TRHDE: variants seen among roughly 807,000 people sequenced by gnomAD.
TRHDE encodes the protein thyrotropin-releasing hormone-degrading ectoenzyme.
A neutral mutation model predicts 125.7 loss-of-function variants in TRHDE; 72 were observed. The ratio of observed to expected loss-of-function variants is 0.57; its 90% CI spans 0.47 to 0.70. The LOEUF is 0.70. TRHDE is among the 30% of genes least tolerant of loss of function. TRHDE has a pLI of 0.00. For synonymous variants in TRHDE, 509 were observed against 509.1 expected, an observed-to-expected ratio of 1.00 and a Z score of 0.00; for missense variants, 1,110 against 1,327.1, an observed-to-expected ratio of 0.84 and a Z score of 2.54.
chr12:72,527,280 T>C (rs1174897598), intron 6 of TRHDE, among the ~76,000 whole-genome samples: 1 of 152,174 alleles, frequency 6.6e-6, no homozygotes, highest in African/African-American at 2.4e-5. Flanking sequence ...CAGATTGTTC[T>C]ATTTCCTAAG....
At chr12:72,431,303 T>TA (rs1045514145) in intron 3 of TRHDE, among the ~76,000 whole-genome samples, 19 of 152,242 alleles carry the variant, frequency 1.2e-4, no homozygotes, top group African/African-American at 4.6e-4. Flanking sequence ...TACTGTATGA[T>TA]AAAAAATGCC....
intron 2 of TRHDE, among the ~76,000 whole-genome samples, chr12:72,295,427 A>G (rs1348724388): frequency 1.3e-5 from 2 of 152,122 alleles, no homozygotes; most frequent in Non-Finnish European, 2.9e-5. Context: ...TTCTGTTTCA[A>G]CCTCATGGAT....
chr12:72,110,421 C>T, intron 2 of TRHDE, among the ~76,000 whole-genome samples: 1 of 147,648 alleles, frequency 6.8e-6, no homozygotes, highest in Non-Finnish European at 1.5e-5. Context: ...CAAAATTCAC[C>T]TTTTTTTTTT....
At chr12:72,537,222 A>G (rs1868909061) in intron 6 of TRHDE, among the ~76,000 whole-genome samples, 1 of 152,074 alleles carries the variant, frequency 6.6e-6, no homozygotes, top group Non-Finnish European at 1.5e-5. Context: ...AATGACAGAT[A>G]CATTATTGAT....
chr12:72,608,707 C>CATTT (rs1294432669), intron 12 of TRHDE, among the ~76,000 whole-genome samples: 1 of 152,178 alleles, frequency 6.6e-6, no homozygotes, highest in Admixed American at 6.5e-5. Flanking sequence ...CCTCCATCCC[C>CATTT]ATTTATTGTT....
At chr12:72,186,780 TC>T (rs1030828716) in intron 2 of TRHDE, among the ~76,000 whole-genome samples, 1 of 151,864 alleles carries the variant, frequency 6.6e-6, no homozygotes, top group African/African-American at 2.4e-5. Context: ...TAGACATGGA[TC>T]TTTTTTTTTT....
intron 6 of TRHDE, among the ~76,000 whole-genome samples, chr12:72,530,560 T>C (rs1868498873): frequency 6.6e-6 from 1 of 151,488 alleles, no homozygotes; most frequent in African/African-American, 2.4e-5. Flanking sequence ...TTTTCTTTTT[T>C]TGTCTTCTTC....
intron 6 of TRHDE, among the ~76,000 whole-genome samples, chr12:72,535,621 A>G (rs1868816028): frequency 6.6e-6 from 1 of 151,556 alleles, no homozygotes; most frequent in African/African-American, 2.4e-5. Flanking sequence ...TGAGTAAGGG[A>G]TATTCAGGAT....
intron 2 of TRHDE, among the ~76,000 whole-genome samples, chr12:72,130,061 G>A (rs1043695111): frequency 3.9e-5 from 6 of 152,180 alleles, no homozygotes; most frequent in Non-Finnish European, 8.8e-5. Context: ...CAGCACTTTA[G>A]GGGGCTGAGG....
At chr12:72,639,238 G>A (rs886348675) in intron 15 of TRHDE, among the ~76,000 whole-genome samples, 211 of 151,698 alleles carry the variant, frequency 1.4e-3, no homozygotes, top group Non-Finnish European at 1.9e-3. Context: ...TTCCTTTCTC[G>A]CTTCATTTCA....
chr12:72,541,262 C>A (rs1426643817), intron 6 of TRHDE, among the ~76,000 whole-genome samples: 2 of 151,482 alleles, frequency 1.3e-5, no homozygotes, highest in Non-Finnish European at 3.0e-5. Flanking sequence ...GCTTACAATC[C>A]ACTGCTCCAT....
At chr12:72,275,420 T>C (rs1323679389) in intron 1 of TRHDE, among the ~76,000 whole-genome samples, 1 of 152,192 alleles carries the variant, frequency 6.6e-6, no homozygotes, top group East Asian at 1.9e-4. Flanking sequence ...ACATTAGATA[T>C]GGATATTTTA....
chr12:72,431,873 G>T, intron 3 of TRHDE: 1 of 158,266 alleles, frequency 6.3e-6, no homozygotes, highest in South Asian at 1.8e-4. Flanking sequence ...CAATTTCTTG[G>T]ACCAGATGCT....
intron 3 of TRHDE, among the ~76,000 whole-genome samples, chr12:72,461,616 C>CTT (rs77831863): frequency 2.1e-5 from 3 of 143,452 alleles, no homozygotes; most frequent in Admixed American, 7.0e-5. Flanking sequence ...CAAAATACAA[C>CTT]TTTTTTTTTT....
intron 2 of TRHDE, among the ~76,000 whole-genome samples, chr12:72,231,969 T>G (rs1180261233): frequency 2.0e-5 from 3 of 152,174 alleles, no homozygotes; most frequent in Non-Finnish European, 4.4e-5. Flanking sequence ...TATTTCTCTG[T>G]TGAGGAATAA....
intron 12 of TRHDE, among the ~76,000 whole-genome samples, chr12:72,607,184 T>C (rs1009310296): frequency 3.3e-5 from 5 of 152,168 alleles, no homozygotes; most frequent in Non-Finnish European, 7.4e-5. Context: ...AGTCTGGATT[T>C]TGCTAATTGC....
At chr12:72,455,222 A>G (rs1362247502) in intron 3 of TRHDE, among the ~76,000 whole-genome samples, 2 of 152,160 alleles carry the variant, frequency 1.3e-5, no homozygotes, top group South Asian at 2.1e-4. Context: ...ATAGATAATC[A>G]CTACAGAAAA....
At chr12:72,365,086 T>C (rs1003926658) in intron 2 of TRHDE, among the ~76,000 whole-genome samples, 2 of 152,128 alleles carry the variant, frequency 1.3e-5, no homozygotes, top group Non-Finnish European at 2.9e-5. Flanking sequence ...ATCTGACTTA[T>C]CTGTTACTGC....
intron 3 of TRHDE, among the ~76,000 whole-genome samples, chr12:72,417,792 A>C (rs1236705497): frequency 6.6e-6 from 1 of 151,944 alleles, no homozygotes; most frequent in Non-Finnish European, 1.5e-5. Context: ...CCTCAATACA[A>C]ATATTAATAG....
Sources: allele counts gnomAD v4.1 joint callset (sites outside exome capture counted in the v4.1 genomes callset), GRCh38; gene constraint gnomAD v4.1.1; transcripts MANE v1.5; gene names NCBI Gene and HGNC (gene_info 2026-07-23, HGNC 2026-07-21).